BRIP1: variants seen among roughly 807,000 people sequenced by gnomAD.
BRIP1 encodes BRCA1 interacting DNA helicase 1.
In BRIP1, 88 loss-of-function variants were observed where a neutral mutation model predicts 119.7. That is an observed-to-expected ratio of 0.74 (90% CI 0.62 to 0.88). BRIP1 has a LOEUF of 0.88. Among genes scored for constraint, BRIP1 ranks in the 40% least tolerant of loss-of-function variants. The pLI is 0.00. For missense variants in BRIP1, 1,259 were observed against 1,455.4 expected (o/e 0.87, Z 2.20); for synonymous variants, 443 against 496.5 (o/e 0.89, Z 1.43).
chr17:61,727,316 T>A (rs2076778501), intron 16 of BRIP1, among the ~76,000 whole-genome samples: 1 of 152,012 alleles, frequency 6.6e-6, no homozygotes, highest in Non-Finnish European at 1.5e-5. Context: ...CCCTAACATC[T>A]AAAAACAAAC....
rs1481031598 is a variant in BRIP1, at chr17:61,796,064, T to C, written c.1341-2335A>G. Among the ~76,000 whole-genome samples the C allele has an allele frequency of 2.0e-5, 3 of 152,112 alleles. No individual in the cohort carries two copies. Among genetic ancestry groups the C allele is most frequent in the African/African-American group, 4.8e-5 (2 of 41,442 alleles). On this transcript the variant is annotated intron_variant, in intron 9 of 19. Transcript: ENST00000259008. The surrounding 1 kb of genome is among the most constrained non-coding windows in gnomAD (Gnocchi z 4.8). ...CATTTGTATGTCTTCTTTAGAGAAA[T>C]GTCTATTCAAATCTTTTGTCCATTT...
At position 61,795,509 on chromosome 17, in the gene BRIP1, T is replaced by C. The variant is rs558751960; in HGVS notation, c.1341-1780A>G. Among the ~76,000 whole-genome samples the C allele has an allele frequency of 2.6e-5, 4 of 152,262 alleles. No homozygotes were observed. In the East Asian group the frequency reaches 7.7e-4, roughly 29 times the overall value. Reference sequence around the variant, plus strand: ...AATAAGTGAGAATATGTGATATTTGTCTTTTTGTGCCTGGCTTATTTCACT... The same window carrying C: ...AATAAGTGAGAATATGTGATATTTGCCTTTTTGTGCCTGGCTTATTTCACT... On this transcript the variant is annotated intron_variant, in intron 9 of 19. Coordinates refer to ENST00000259008, the MANE Select transcript of BRIP1 (RefSeq NM_032043.3). This position sits in a 1 kb window ranked among gnomAD's most constrained non-coding sequence, Gnocchi z 5.6.
Position 61,780,800 on chromosome 17 carries a change from G to T in BRIP1, c.1794+40C>A, listed in dbSNP as rs768277870. The T allele has an allele frequency of 1.3e-6, 2 of 1,591,724 alleles. No homozygotes were observed. The highest frequency in any genetic ancestry group is 2.2e-5 in the South Asian group (2 of 90,494). ...CCACATTTATTAAAATGCTGGTACTGAGCAAGAAGACAAAATTTCCATTTA... is the reference window on the plus strand; with the variant it reads ...CCACATTTATTAAAATGCTGGTACTTAGCAAGAAGACAAAATTTCCATTTA... On this transcript the variant is annotated intron_variant, in intron 12 of 19. Transcript: ENST00000259008. The surrounding 1 kb of genome is among the most constrained non-coding windows in gnomAD (Gnocchi z 5.4).
Position 61,795,764 on chromosome 17 carries a change from T to C in BRIP1, c.1341-2035A>G, listed in dbSNP as rs960683094. Reference sequence around the variant, plus strand: ...ATACTGATTTCCTTTATTTTGGGTATATATCTAGCAGTGGGATTGCTGGAT... The same window carrying C: ...ATACTGATTTCCTTTATTTTGGGTACATATCTAGCAGTGGGATTGCTGGAT... On this transcript the variant is annotated intron_variant, in intron 9 of 19. Transcript: ENST00000259008. This position sits in a 1 kb window ranked among gnomAD's most constrained non-coding sequence, Gnocchi z 5.6. Among the ~76,000 whole-genome samples, 2 of 152,124 alleles carry C rather than the reference T, an allele frequency of 1.3e-5. No individual in the cohort carries two copies. Among genetic ancestry groups the C allele is most frequent in the Non-Finnish European group, 2.9e-5 (2 of 67,998 alleles).
rs1173765026 is a variant in BRIP1 at position 61,774,354 on chromosome 17, A to G, written c.2097+2047T>C. 6.6e-6 allele frequency among the ~76,000 whole-genome samples: 1 copy of G among 152,176 alleles called. No homozygotes were observed. The highest frequency in any genetic ancestry group is 1.5e-5 in the Non-Finnish European group (1 of 68,030). On this transcript the variant is annotated intron_variant, in intron 14 of 19. Transcript: ENST00000259008. This position sits in a 1 kb window ranked among gnomAD's most constrained non-coding sequence, Gnocchi z 5.8. ...ACAAAGACAGAAAACCAAACACCGCATGTTCTCACTCATAGGTGGGAATTG... is the reference window on the plus strand; with the variant it reads ...ACAAAGACAGAAAACCAAACACCGCGTGTTCTCACTCATAGGTGGGAATTG...
chr17:61,801,161 C>CA lies in BRIP1; in HGVS notation c.1140+91dup, dbSNP rs11390869. 0.74 allele frequency: 831,821 copies of CA among 1,129,346 alleles called. 308,011 individuals carry two copies. The highest frequency in any genetic ancestry group is 0.89 in the African/African-American group (56,675 of 63,444). The allele number at this position is 1,129,346 out of a possible 1,614,324, so 70.0% of individuals were successfully genotyped here. A position where few individuals can be genotyped will look rare whatever the true frequency, so the allele number is the denominator to read the frequency against. Reference sequence around the variant, plus strand: ...ACAAATTTATTTACATAAATTAAAGCAAAAAAAATTAAAACATCTAAAAGC... The same window carrying CA: ...ACAAATTTATTTACATAAATTAAAGCAAAAAAAAATTAAAACATCTAAAAGC... On this transcript the variant is annotated intron_variant, in intron 8 of 19. Coordinates refer to ENST00000259008, the MANE Select transcript of BRIP1 (RefSeq NM_032043.3).
Position 61,757,632 on chromosome 17 carries a change from T to A in BRIP1, c.2098-13041A>T. ...CAATGATATTTACAATGCAAAAAAC[T>A]TCAAAAAATGACATTTGTAAAACAA... On this transcript the variant is annotated intron_variant, in intron 14 of 19. Coordinates refer to ENST00000259008, the MANE Select transcript of BRIP1 (RefSeq NM_032043.3). The surrounding 1 kb of genome is among the most constrained non-coding windows in gnomAD (Gnocchi z 4.3). 6.6e-6 allele frequency among the ~76,000 whole-genome samples: 1 copy of A among 152,102 alleles called. No individual in the cohort carries two copies. The highest frequency in any genetic ancestry group is 6.5e-5 in the Admixed American group (1 of 15,270).
In BRIP1 at chr17:61,801,264, T is replaced by G; in HGVS notation, c.1129A>C (p.Ile377Leu). Residue 377 changes from isoleucine (I) to leucine (L), a missense_variant, in exon 8 of 20, where the codon ATA becomes CTA. This residue lies in a region of BRIP1 where 501 missense variants were observed against 544.0 expected (regional missense o/e 0.92). Coordinates refer to ENST00000259008, the MANE Select transcript of BRIP1 (RefSeq NM_032043.3). ...ACACATATACTCACACTTTCCCTTA[T>G]TTGTGCATCTAGAAGATAGTTGTAG... is the stretch of plus-strand genomic sequence containing the variant. ...CPYNYLLDAQ[I>L]RESMDLNLKE... 1 of 1,611,942 alleles carries G rather than the reference T, an allele frequency of 6.2e-7. No homozygotes were observed. Among genetic ancestry groups the G allele is most frequent in the Non-Finnish European group, 8.5e-7 (1 of 1,177,992 alleles).
In BRIP1 at chr17:61,729,084, C is replaced by T. The variant is rs563774527; in HGVS notation, c.2380-13021G>A. On this transcript the variant is annotated intron_variant, in intron 16 of 19. Transcript: ENST00000259008. This position sits in a 1 kb window ranked among gnomAD's most constrained non-coding sequence, Gnocchi z 5.6. ...TCTTCTGAGGTCGGGAGTTCGAGACCAGCCTGACCAACATAGAGACACCCC... is the reference window on the plus strand; with the variant it reads ...TCTTCTGAGGTCGGGAGTTCGAGACTAGCCTGACCAACATAGAGACACCCC... 4.6e-5 allele frequency among the ~76,000 whole-genome samples: 7 copies of T among 151,988 alleles called. 1 individual carries two copies. In the South Asian group the frequency reaches 1.5e-3, roughly 32 times the overall value.
Position 61,806,699 on chromosome 17 carries a change from T to TTGGC in BRIP1, c.918+1767_918+1768insGCCA, listed in dbSNP as rs1439399931. On this transcript the variant is annotated intron_variant, in intron 7 of 19. Coordinates refer to ENST00000259008, the MANE Select transcript of BRIP1 (RefSeq NM_032043.3). This position sits in a 1 kb window ranked among gnomAD's most constrained non-coding sequence, Gnocchi z 4.9. ...GTATTTTACCAATGTATGTTTTTGG[T>TTGGC]TGGTTGGTTGTTTTTGAGACAAGAG... 2.6e-5 allele frequency among the ~76,000 whole-genome samples: 4 copies of TTGGC among 151,840 alleles called. No homozygotes were observed. The East Asian group carries it at 7.8e-4, about 29-fold the overall frequency.
At chr17:61,721,530 A>G (rs1192582181) in intron 16 of BRIP1, among the ~76,000 whole-genome samples, 1 of 151,890 alleles carries the variant, frequency 6.6e-6, no homozygotes, top group Non-Finnish European at 1.5e-5. Flanking sequence ...CGGCCTCCCA[A>G]AGTGCTGGGA....
At position 61,681,603 on chromosome 17, in the gene BRIP1, A is replaced by C; in HGVS notation, c.*1693T>G. ...AGGAGATAAATTGTTTCACCCTTTC[A>C]AAACAATGTAAAAATTACCTTCTAA... On this transcript the variant is annotated 3_prime_UTR_variant, in exon 20 of 20. Coordinates refer to ENST00000259008, the MANE Select transcript of BRIP1 (RefSeq NM_032043.3). This position sits in a 1 kb window ranked among gnomAD's most constrained non-coding sequence, Gnocchi z 5.1. 1 of 200,352 alleles carries C rather than the reference A, an allele frequency of 5.0e-6. No individual in the cohort carries two copies. The highest frequency in any genetic ancestry group is 7.9e-5 in the East Asian group (1 of 12,722). The allele number at this position is 200,352 out of a possible 1,614,324, so 12.4% of individuals were successfully genotyped here.
chr17:61,718,916 C>G (rs976287666), intron 16 of BRIP1, among the ~76,000 whole-genome samples: 2 of 152,092 alleles, frequency 1.3e-5, no homozygotes, highest in Non-Finnish European at 2.9e-5. Context: ...CTCTGGATTA[C>G]TTTAATAGCT....
chr17:61,781,098 A>G, intron 11 of BRIP1, 93 bp from the exon 12 acceptor site: 1 of 1,200,718 alleles, frequency 8.3e-7, no homozygotes. Context: ...ATTAAAACTC[A>G]TTTGAAAGAG....
Position 61,825,823 on chromosome 17 carries a change from C to G in BRIP1, c.628-17066G>C, listed in dbSNP as rs2078398979. Reference sequence around the variant, plus strand: ...AATCAGTATCATTAAAAAGGTCATACTGCCCAAAGCAATTTACAGATTCAA... The same window carrying G: ...AATCAGTATCATTAAAAAGGTCATAGTGCCCAAAGCAATTTACAGATTCAA... On this transcript the variant is annotated intron_variant, in intron 6 of 19. Transcript: ENST00000259008. The surrounding 1 kb of genome is among the most constrained non-coding windows in gnomAD (Gnocchi z 4.1). Among the ~76,000 whole-genome samples, 1 of 152,042 alleles carries G rather than the reference C, an allele frequency of 6.6e-6. No individual in the cohort carries two copies. Among genetic ancestry groups the G allele is most frequent in the Non-Finnish European group, 1.5e-5 (1 of 68,014 alleles).
intron 10 of BRIP1, among the ~76,000 whole-genome samples, chr17:61,788,650 TCA>T (rs1275147576): frequency 5.3e-5 from 8 of 152,112 alleles, no homozygotes; most frequent in Admixed American, 5.2e-4. Flanking sequence ...AGATATAAAT[TCA>T]CACATATATG....
At position 61,859,815 on chromosome 17, in the gene BRIP1, T is replaced by C. The variant is rs764252214; in HGVS notation, c.186A>G (p.Ala62=). The part of the protein sequence containing the change: ...KSLALLCSAL[A]WQQSLSGKPA... ...ACTTACCACTAAGAGATTGTTGCCA[T>C]GCTAAAGCAGAACAAAGTAAGGCTA... Residue 62 remains alanine (A), a synonymous_variant, in exon 3 of 20, where the codon GCA becomes GCG. Transcript: ENST00000259008. 2 of 1,613,222 alleles carry C rather than the reference T, an allele frequency of 1.2e-6. No individual in the cohort carries two copies. Among genetic ancestry groups the C allele is most frequent in the Non-Finnish European group, 1.7e-6 (2 of 1,179,230 alleles).
Position 61,694,142 on chromosome 17 carries a change from T to G in BRIP1, c.2493-630A>C, listed in dbSNP as rs556386619. On this transcript the variant is annotated intron_variant, in intron 17 of 19. Coordinates refer to ENST00000259008, the MANE Select transcript of BRIP1 (RefSeq NM_032043.3). Reference sequence around the variant, plus strand: ...TTTTAAAGTGCACAATGCAATGGTTTGTGGTATATTTACAAGGCTGTATAA... The same window carrying G: ...TTTTAAAGTGCACAATGCAATGGTTGGTGGTATATTTACAAGGCTGTATAA... 3.9e-5 allele frequency among the ~76,000 whole-genome samples: 6 copies of G among 152,290 alleles called. No homozygotes were observed. The South Asian group carries it at 6.2e-4, about 16-fold the overall frequency.
chr17:61,765,379 T>TTATATATA (rs1287538931), intron 14 of BRIP1, among the ~76,000 whole-genome samples: 25 of 37,744 alleles, frequency 6.6e-4, no homozygotes, highest in Admixed American at 1.1e-3. Context: ...TGTGTATATA[T>TTATATATA]TATATATATA....
Sources: gnomAD v4.1 joint callset for allele counts (sites outside exome capture counted in the v4.1 genomes callset) on GRCh38, gnomAD v4.1.1 for gene constraint, gnomAD v4.1.1 regional missense constraint, Gnocchi (gnomAD v3.1) non-coding constraint, MANE v1.5 for transcripts, NCBI Gene and HGNC (gene_info 2026-07-23, HGNC 2026-07-21) for gene names.